Variants in FARP2 observed in about 807,000 individuals in gnomAD.
FARP2 encodes the protein FERM, ARH/RhoGEF and pleckstrin domain protein 2.
Under a neutral mutation model 130.5 loss-of-function variants are expected in FARP2, and 111 were observed. The ratio of observed to expected loss-of-function variants is 0.85; its 90% CI spans 0.73 to 1.00. FARP2 has a LOEUF of 1.00. FARP2 is among the 50% of genes least tolerant of loss of function. The pLI, the probability that FARP2 is intolerant of heterozygous loss-of-function variation, is 0.00. For synonymous variants in FARP2, 504 were observed against 516.9 expected, an observed-to-expected ratio of 0.98 and a Z score of 0.34; for missense variants, 1,385 against 1,346.3, an observed-to-expected ratio of 1.03 and a Z score of -0.45.
In FARP2 at chr2:241,484,324, G is replaced by C. The variant is rs2064700575; in HGVS notation, c.2414G>C (p.Gly805Ala). Residue 805 changes from glycine to alanine, a missense_variant, in exon 21 of 27, where the codon GGC (glycine) becomes GCC (alanine). Transcript: ENST00000264042. The part of the protein sequence containing the change: ...FRIRGLLPLQ[G>A]MLVEESDNEW... The stretch of plus-strand genomic sequence containing the variant: ...ATCCGGGGCCTCCTTCCCCTCCAAG[G>C]CATGCTGGTGAGTGGTCTTGCACCC... 6.2e-7 allele frequency: 1 copy of C among 1,613,962 alleles called. No homozygotes were observed. The highest frequency in any genetic ancestry group is 8.5e-7 in the Non-Finnish European group (1 of 1,179,846).
In FARP2 at chr2:241,415,989, C is replaced by CTCTGTGTGTG. The variant is rs764755388; in HGVS notation, c.624-1972_624-1971insCTGTGTGTGT. On this transcript the variant is annotated intron_variant, in intron 7 of 26. Transcript: ENST00000264042. ...AAAGAACTGGACCCTCAGGGTAGTT[C>CTCTGTGTGTG]TGTGTGTGTGTGTGTGTGTGTGTGT... Among the ~76,000 whole-genome samples the CTCTGTGTGTG allele has an allele frequency of 7.3e-4, 103 of 141,788 alleles. 2 individuals carry two copies. Among genetic ancestry groups the CTCTGTGTGTG allele is most frequent in the East Asian group, 4.0e-3 (19 of 4,768 alleles). The allele number at this position is 141,788 out of a possible 152,430, so 93.0% of individuals were successfully genotyped here.
chr2:241,416,243 C>T (rs1007068724), intron 7 of FARP2, among the ~76,000 whole-genome samples: 5 of 151,980 alleles, frequency 3.3e-5, no homozygotes, highest in African/African-American at 1.2e-4. Context: ...CTTACATGTG[C>T]ACATGTATCC....
chr2:241,413,460 C>A, intron 7 of FARP2, 39 bp downstream of exon 7: 1 of 1,311,666 alleles, frequency 7.6e-7, no homozygotes, highest in Non-Finnish European at 1.1e-6. Context: ...ATTGTCACCA[C>A]AGTAATGACT....
At chr2:241,403,109 C>G (rs1281195893) in intron 2 of FARP2, among the ~76,000 whole-genome samples, 1 of 150,174 alleles carries the variant, frequency 6.7e-6, no homozygotes, top group Non-Finnish European at 1.5e-5. Context: ...GAAATGCTAC[C>G]AAATAATATT....
chr2:241,428,741 A>G (rs1386047447), intron 8 of FARP2, among the ~76,000 whole-genome samples: 1 of 151,946 alleles, frequency 6.6e-6, no homozygotes, highest in Non-Finnish European at 1.5e-5. Context: ...CTACTATCTA[A>G]TTTCAGAACG....
chr2:241,467,657 AAGTC>A (rs2064206891), intron 17 of FARP2, among the ~76,000 whole-genome samples: 1 of 151,790 alleles, frequency 6.6e-6, no homozygotes, highest in Non-Finnish European at 1.5e-5. Context: ...AAAAAAAAAA[AAGTC>A]AGGTGTGGTT....
chr2:241,455,233 C>A (rs1441864203), intron 13 of FARP2, among the ~76,000 whole-genome samples: 4 of 152,194 alleles, frequency 2.6e-5, no homozygotes, highest in Non-Finnish European at 4.4e-5. Context: ...AAGGAGTCAC[C>A]ATGGTGTGGC....
chr2:241,435,006 G>A lies in FARP2; in HGVS notation c.1076G>A (p.Gly359Glu), dbSNP rs569649776. The A allele has an allele frequency of 2.5e-6, 4 of 1,594,002 alleles. No individual in the cohort carries two copies. The East Asian group carries it at 9.0e-5, about 36-fold the overall frequency. ...CTAGTAGATTATTTCAAAGACAGTG[G>A]AATGAAGAGAATTCCATATGAAAGG... ...KQLVDYFKDS[G>E]MKRIPYERRH... The change falls in exon 11 of 27, where the codon GGA becomes GAA. Residue 359 changes from glycine (G) to glutamate (E), a missense_variant. Gly to Glu is a moderately conservative substitution (Grantham distance 98). Transcript: ENST00000264042.
chr2:241,470,325 C>T (rs2064274759), intron 18 of FARP2, among the ~76,000 whole-genome samples: 2 of 152,340 alleles, frequency 1.3e-5, no homozygotes, highest in South Asian at 2.1e-4. Context: ...GCTCTGCCTA[C>T]TGCTGTGGGG....
chr2:241,480,249 C>T lies in FARP2; in HGVS notation c.2263-3216C>T, dbSNP rs186173325. ...TTCTGGAGACTTCTTGCCTAGGCCTCATCTTCTTCTTTGCCAATAACCTGA... is the reference window on the plus strand; with the variant it reads ...TTCTGGAGACTTCTTGCCTAGGCCTTATCTTCTTCTTTGCCAATAACCTGA... On this transcript the variant is annotated intron_variant, in intron 19 of 26. Transcript: ENST00000264042. Among the ~76,000 whole-genome samples the T allele has an allele frequency of 6.6e-3, 904 of 136,200 alleles. 8 individuals are homozygous for T. Among genetic ancestry groups the T allele is most frequent in the African/African-American group, 0.021 (848 of 40,430 alleles). 89.4% of individuals were successfully genotyped at this position (136,200 alleles called of 152,430 possible).
At chr2:241,480,749 C>A (rs1310472694) in intron 19 of FARP2, among the ~76,000 whole-genome samples, 4 of 152,088 alleles carry the variant, frequency 2.6e-5, no homozygotes, top group Non-Finnish European at 5.9e-5. Context: ...ATTTACCCTT[C>A]TGTTTCTTTT....
At chr2:241,366,878 T>C (rs1559703009) in intron 1 of FARP2, among the ~76,000 whole-genome samples, 1 of 152,064 alleles carries the variant, frequency 6.6e-6, no homozygotes, top group Non-Finnish European at 1.5e-5. Flanking sequence ...AGAGTTGAAA[T>C]TGAAACCTGA....
At chr2:241,404,899 T>C (rs1391307140) in intron 4 of FARP2, 58 bp downstream of exon 4, 9 of 1,314,554 alleles carry the variant, frequency 6.8e-6, no homozygotes, top group Non-Finnish European at 9.9e-6. Flanking sequence ...TGTCCTGGAA[T>C]GTTTAAAAGG....
At chr2:241,392,158 G>A (rs1474447584) in intron 2 of FARP2, among the ~76,000 whole-genome samples, 4 of 152,250 alleles carry the variant, frequency 2.6e-5, no homozygotes, top group Admixed American at 1.3e-4. Context: ...CTGCCCACCA[G>A]TGGGACCGGA....
chr2:241,429,424 T>G (rs1197191085), intron 8 of FARP2, among the ~76,000 whole-genome samples: 4 of 152,208 alleles, frequency 2.6e-5, no homozygotes, highest in Non-Finnish European at 4.4e-5. Context: ...TGATATGGGA[T>G]TGTGCAGTGC....
intron 21 of FARP2, 58 bp from the exon 22 acceptor site, chr2:241,489,904 G>C: frequency 8.2e-7 from 1 of 1,216,084 alleles, no homozygotes; most frequent in Non-Finnish European, 1.2e-6. Context: ...TCCTGCTCAG[G>C]CTTAGGCTGT....
At chr2:241,432,744 T>C (rs1276290471) in intron 9 of FARP2, among the ~76,000 whole-genome samples, 1 of 152,256 alleles carries the variant, frequency 6.6e-6, no homozygotes, top group African/African-American at 2.4e-5. Flanking sequence ...CTTCCAGTTA[T>C]TCAAAGATGT....
At chr2:241,404,558 A>G (rs1574749567) in intron 3 of FARP2, among the ~76,000 whole-genome samples, 1 of 152,354 alleles carries the variant, frequency 6.6e-6, no homozygotes, top group East Asian at 1.9e-4. Flanking sequence ...CAGCAACTGA[A>G]TAGAGGTATC....
chr2:241,493,343 C>T lies in FARP2; in HGVS notation c.2946C>T (p.Ile982=). 2 of 1,613,962 alleles carry T rather than the reference C, an allele frequency of 1.2e-6. No individual in the cohort carries two copies. Among genetic ancestry groups the T allele is most frequent in the African/African-American group, 1.3e-5 (1 of 75,040 alleles). Residue 982 remains isoleucine, a synonymous_variant, in exon 26 of 27, where the codon ATC becomes ATT. Coordinates refer to ENST00000264042, the MANE Select transcript of FARP2 (RefSeq NM_014808.4). ...SLPLLGYSVS[I]PREADGIHKD... ...CGCTGCTGGGCTACAGCGTGAGCAT[C>T]CCCAGGGAGGCCGATGGCATACACA... is the stretch of plus-strand genomic sequence containing the variant.
Sources: allele counts gnomAD v4.1 joint callset (sites outside exome capture counted in the v4.1 genomes callset), GRCh38; gene constraint gnomAD v4.1.1; transcripts MANE v1.5; gene names NCBI Gene and HGNC (gene_info 2026-07-23, HGNC 2026-07-21).